Variants in CNTN4 observed in about 807,000 individuals in gnomAD.
CNTN4 encodes the protein contactin 4.
A neutral mutation model predicts 122.5 loss-of-function variants in CNTN4; 77 were observed. The ratio of observed to expected loss-of-function variants is 0.63; its 90% CI spans 0.52 to 0.76. CNTN4 has a LOEUF of 0.76. Ranked by LOEUF, CNTN4 falls within the 30% of genes least tolerant of loss-of-function variation. CNTN4 has a pLI of 0.00. For missense variants in CNTN4, 1,256 were observed against 1,259.1 expected (o/e 1.00, Z 0.04); for synonymous variants, 512 against 447.0 (o/e 1.15, Z -1.83).
At chr3:2,769,464 C>CAAAAAAAAAA (rs71058643) in intron 6 of CNTN4, among the ~76,000 whole-genome samples, 2 of 137,050 alleles carry the variant, frequency 1.5e-5, no homozygotes, top group African/African-American at 5.5e-5. Flanking sequence ...GACTCTGTCT[C>CAAAAAAAAAA]AAAAAAAAAA....
At chr3:2,730,128 T>A (rs2149452787) in intron 4 of CNTN4, among the ~76,000 whole-genome samples, 1 of 152,186 alleles carries the variant, frequency 6.6e-6, no homozygotes, top group Non-Finnish European at 1.5e-5. Context: ...TGGTTTTTTG[T>A]GGGGGGTGGC....
Position 2,965,099 on chromosome 3 carries a change from G to A in CNTN4, c.1359-23246G>A, listed in dbSNP as rs145802650. ...TTAAAAAATGAAATTATAGAATTAA[G>A]GCATTATCTTAGGTATCATTTTCTA... On this transcript the variant is annotated intron_variant, in intron 13 of 24. Coordinates refer to ENST00000418658, the MANE Select transcript of CNTN4 (RefSeq NM_175607.3). Among the ~76,000 whole-genome samples the A allele has an allele frequency of 4.6e-5, 7 of 152,168 alleles. No homozygotes were observed. The East Asian group carries it at 1.4e-3, about 29-fold the overall frequency.
chr3:2,525,236 T>G (rs1384537165), intron 3 of CNTN4, among the ~76,000 whole-genome samples: 1 of 152,164 alleles, frequency 6.6e-6, no homozygotes, highest in Non-Finnish European at 1.5e-5. Context: ...TTTGCAAGTA[T>G]TCTATGGGGA....
intron 2 of CNTN4, among the ~76,000 whole-genome samples, chr3:2,233,990 C>T (rs926966072): frequency 1.3e-5 from 2 of 152,034 alleles, no homozygotes; most frequent in African/African-American, 2.4e-5. Context: ...TTCACGATTC[C>T]AGCAATGCCA....
chr3:2,843,580 T>C (rs942403536), intron 7 of CNTN4, among the ~76,000 whole-genome samples: 55 of 152,200 alleles, frequency 3.6e-4, no homozygotes, highest in Non-Finnish European at 7.3e-5. Context: ...GAGTGGATCC[T>C]TCACGGCTCA....
At chr3:2,237,809 A>C (rs774773277) in intron 2 of CNTN4, among the ~76,000 whole-genome samples, 3 of 152,224 alleles carry the variant, frequency 2.0e-5, no homozygotes, top group Admixed American at 6.5e-5. Context: ...CAAGTGAGAC[A>C]GTTTGACTTT....
intron 13 of CNTN4, among the ~76,000 whole-genome samples, chr3:2,967,059 A>T (rs1268272758): frequency 6.6e-6 from 1 of 152,180 alleles, no homozygotes; most frequent in East Asian, 1.9e-4. Flanking sequence ...AGGAGACAGG[A>T]GTTTTACTAT....
intron 7 of CNTN4, among the ~76,000 whole-genome samples, chr3:2,852,359 G>A (rs2093562353): frequency 6.6e-6 from 1 of 152,130 alleles, no homozygotes; most frequent in Admixed American, 6.5e-5. Context: ...AGATATTAGG[G>A]TAGCTTTATT....
At chr3:2,538,232 G>A (rs775724524) in intron 3 of CNTN4, among the ~76,000 whole-genome samples, 2 of 152,056 alleles carry the variant, frequency 1.3e-5, no homozygotes, top group Non-Finnish European at 2.9e-5. Flanking sequence ...TTTTCCTAGT[G>A]CCTTCAGAGG....
At chr3:2,152,113 G>A (rs1389930854) in intron 2 of CNTN4, among the ~76,000 whole-genome samples, 1 of 152,168 alleles carries the variant, frequency 6.6e-6, no homozygotes, top group Non-Finnish European at 1.5e-5. Flanking sequence ...TAGAGCAGGT[G>A]GCATTTAAAC....
chr3:2,290,486 C>T lies in CNTN4; in HGVS notation c.-144-48692C>T, dbSNP rs77658210. Among the ~76,000 whole-genome samples, 481 of 152,160 alleles carry T rather than the reference C, an allele frequency of 3.2e-3. 6 individuals carry two copies. The East Asian group carries it at 0.049, about 16-fold the overall frequency. ...TGCAGTTACAGGGGAAAATCATTAA[C>T]GATGATGGTGAAGCAAGAAAGGCTG... On this transcript the variant is annotated intron_variant, in intron 2 of 24. Transcript: ENST00000418658.
chr3:2,171,706 A>T (rs763359975), intron 2 of CNTN4, among the ~76,000 whole-genome samples: 9 of 152,214 alleles, frequency 5.9e-5, no homozygotes, highest in Non-Finnish European at 4.4e-5. Context: ...GACTCTGCTC[A>T]TAGTTATGAG....
intron 2 of CNTN4, among the ~76,000 whole-genome samples, chr3:2,137,192 G>A (rs559968145): frequency 6.6e-6 from 1 of 152,272 alleles, no homozygotes; most frequent in South Asian, 2.1e-4. Flanking sequence ...TTTAGACTGA[G>A]GTCATCTAGC....
chr3:2,623,142 C>T (rs1423087871), intron 4 of CNTN4, among the ~76,000 whole-genome samples: 2 of 152,084 alleles, frequency 1.3e-5, no homozygotes, highest in Non-Finnish European at 2.9e-5. Context: ...TGACAAAATC[C>T]TTTCATCTTC....
chr3:2,730,395 G>C (rs1170518225), intron 4 of CNTN4, among the ~76,000 whole-genome samples: 6 of 152,246 alleles, frequency 3.9e-5, no homozygotes, highest in South Asian at 4.1e-4. Context: ...TTTTGGATGA[G>C]GGATGCTCAC....
intron 12 of CNTN4, among the ~76,000 whole-genome samples, chr3:2,908,255 G>A (rs1010580389): frequency 6.6e-6 from 1 of 152,134 alleles, no homozygotes; most frequent in African/African-American, 2.4e-5. Context: ...TTTTGTTGGT[G>A]AAAAAATAAC....
chr3:2,243,561 G>T (rs2040022891), intron 2 of CNTN4, among the ~76,000 whole-genome samples: 1 of 151,852 alleles, frequency 6.6e-6, no homozygotes, highest in Admixed American at 6.6e-5. Context: ...TTTTATGTAT[G>T]GCCCAAGACA....
At chr3:2,978,530 C>A (rs999202894) in intron 13 of CNTN4, among the ~76,000 whole-genome samples, 6 of 152,234 alleles carry the variant, frequency 3.9e-5, no homozygotes, top group African/African-American at 1.4e-4. Context: ...GCCCTATCTT[C>A]CCATATGTCA....
At chr3:2,866,687 T>A (rs946549840) in intron 7 of CNTN4, 65 bp from the exon 8 acceptor site, 13 of 1,452,598 alleles carry the variant, frequency 8.9e-6, no homozygotes, top group Admixed American at 1.7e-5. Context: ...ATCATTTCTT[T>A]CATGAAAACA....
Sources: gnomAD v4.1 joint callset for allele counts (sites outside exome capture counted in the v4.1 genomes callset) on GRCh38, gnomAD v4.1.1 for gene constraint, MANE v1.5 for transcripts, NCBI Gene and HGNC (gene_info 2026-07-23, HGNC 2026-07-21) for gene names.